The following RCBTB1 variants were observed in gnomAD, a reference collection of about 807,000 sequenced individuals.
RCBTB1 encodes the protein RCC1 and BTB domain-containing protein 1.
A neutral mutation model predicts 62.4 loss-of-function variants in RCBTB1; 46 were observed. The ratio of observed to expected loss-of-function variants is 0.74; its 90% confidence interval spans 0.58 to 0.94. RCBTB1 has a LOEUF of 0.94. Ranked by LOEUF, RCBTB1 falls within the 40% of genes least tolerant of loss-of-function variation. The probability of loss-of-function intolerance (pLI) is 0.00; values close to 1 mark genes in which losing one functional copy is unlikely to be tolerated. For missense variants in RCBTB1, 565 were observed against 654.9 expected, an observed-to-expected ratio of 0.86 and a Z score of 1.50; for synonymous variants, 222 against 245.8, an observed-to-expected ratio of 0.90 and a Z score of 0.91.
At chr13:49,566,552 C>T (rs1963023849) in intron 4 of RCBTB1, 66 bp downstream of exon 4, 2 of 1,487,662 alleles carry the variant, frequency 1.3e-6, no homozygotes, top group Admixed American at 1.9e-5. Context: ...GCCCTATCTC[C>T]CCTAAGCTTA....
chr13:49,565,972 G>A (rs9591280), intron 4 of RCBTB1, among the ~76,000 whole-genome samples: 3 of 148,340 alleles, frequency 2.0e-5, no homozygotes, highest in South Asian at 2.2e-4. Flanking sequence ...CCCCCAACCT[G>A]GTGCTCTCTG....
rs1243552176 is a variant in RCBTB1, at chr13:49,562,787, T to C, written c.278-2703A>G. ...GCCACCATCCCCGGCTTTTTTTTTT[T>C]TTTTTTTTTTTTTTTTTTTAAGAGA... On this transcript the variant is annotated intron_variant, in intron 4 of 12. Transcript: ENST00000378302. Among the ~76,000 whole-genome samples, 46 of 136,692 alleles carry C rather than the reference T, an allele frequency of 3.4e-4. 3 individuals are homozygous for C. The highest frequency in any genetic ancestry group is 1.2e-3 in the African/African-American group (43 of 36,234). 89.7% of individuals were successfully genotyped at this position (136,692 alleles called of 152,430 possible).
intron 8 of RCBTB1, 74 bp from the exon 9 acceptor site, chr13:49,549,722 A>G: frequency 4.0e-6 from 6 of 1,507,668 alleles, no homozygotes; most frequent in Non-Finnish European, 5.3e-6. Flanking sequence ...AAGGCAATTT[A>G]AAAGTTCATG....
intron 4 of RCBTB1, among the ~76,000 whole-genome samples, chr13:49,563,355 C>CAAA (rs57586924): frequency 0.072 from 3,739 of 51,716 alleles, 485 homozygotes; most frequent in African/African-American, 0.077. Context: ...GACCCTGCCT[C>CAAA]AAAAAAAAAA....
intron 3 of RCBTB1, 38 bp from the exon 4 acceptor site, chr13:49,566,806 C>A: frequency 6.4e-7 from 1 of 1,567,246 alleles, no homozygotes; most frequent in Non-Finnish European, 8.6e-7. Flanking sequence ...GTCTTTTGAC[C>A]GAAAGCTGTA....
At chr13:49,582,594 G>T (rs551082073) in intron 1 of RCBTB1, among the ~76,000 whole-genome samples, 2 of 152,204 alleles carry the variant, frequency 1.3e-5, no homozygotes, top group Non-Finnish European at 2.9e-5. Context: ...GTGAATGAAA[G>T]CCAGTTTAAA....
intron 1 of RCBTB1, among the ~76,000 whole-genome samples, chr13:49,583,433 A>G (rs1468975928): frequency 6.6e-6 from 1 of 152,044 alleles, no homozygotes; most frequent in Non-Finnish European, 1.5e-5. Context: ...GATCTAACAC[A>G]CAGTTGACTT....
chr13:49,540,833 G>A (rs1197900771), intron 12 of RCBTB1, 43 bp downstream of exon 12: 2 of 1,592,726 alleles, frequency 1.3e-6, no homozygotes, highest in Admixed American at 1.8e-5. Context: ...CGAGCACAAA[G>A]GGAGTTAAAG....
intron 4 of RCBTB1, among the ~76,000 whole-genome samples, chr13:49,565,268 C>T (rs1459441319): frequency 2.0e-5 from 3 of 152,212 alleles, no homozygotes; most frequent in East Asian, 1.9e-4. Context: ...CTGCCAGCCT[C>T]GGCCTCCCGA....
chr13:49,555,885 C>T (rs1394626034), intron 5 of RCBTB1, among the ~76,000 whole-genome samples: 2 of 152,194 alleles, frequency 1.3e-5, no homozygotes, highest in Non-Finnish European at 2.9e-5. Context: ...TTATACATCT[C>T]CGTTTTATAC....
intron 10 of RCBTB1, among the ~76,000 whole-genome samples, chr13:49,544,090 C>T (rs529083995): frequency 6.6e-5 from 10 of 152,300 alleles, no homozygotes; most frequent in South Asian, 6.2e-4. Flanking sequence ...GGCATATACA[C>T]TTTTCAATAA....
At chr13:49,558,818 G>A (rs1962175299) in intron 5 of RCBTB1, among the ~76,000 whole-genome samples, 1 of 151,806 alleles carries the variant, frequency 6.6e-6, no homozygotes, top group African/African-American at 2.4e-5. Flanking sequence ...CTTTTGAACT[G>A]TGTGGCAGTA....
At chr13:49,568,422 T>C (rs1405327454) in intron 2 of RCBTB1, among the ~76,000 whole-genome samples, 1 of 152,266 alleles carries the variant, frequency 6.6e-6, no homozygotes, top group Admixed American at 6.5e-5. Context: ...AAATGAAAAT[T>C]GCTAGGTCAA....
chr13:49,546,999 C>G (rs934502775), intron 9 of RCBTB1: 9 of 1,185,162 alleles, frequency 7.6e-6, no homozygotes, highest in Non-Finnish European at 9.6e-6. Flanking sequence ...AATGCCTGTG[C>G]CATTTTAAGA....
chr13:49,538,761 A>ACG (rs1474266330), intron 12 of RCBTB1, among the ~76,000 whole-genome samples: 1 of 151,480 alleles, frequency 6.6e-6, no homozygotes, highest in African/African-American at 2.4e-5. Context: ...ATATATATAC[A>ACG]CACACACACA....
intron 2 of RCBTB1, among the ~76,000 whole-genome samples, chr13:49,577,778 A>C (rs1478320418): frequency 6.6e-6 from 1 of 152,254 alleles, no homozygotes; most frequent in Non-Finnish European, 1.5e-5. Context: ...CAATCATTTT[A>C]AGTAGCCTAA....
chr13:49,543,509 G>C (rs1960552302), intron 10 of RCBTB1, among the ~76,000 whole-genome samples: 1 of 152,044 alleles, frequency 6.6e-6, no homozygotes. Context: ...GAATGACATA[G>C]GGCTTTTCTG....
intron 5 of RCBTB1, among the ~76,000 whole-genome samples, chr13:49,558,980 T>G (rs892176602): frequency 6.6e-6 from 1 of 152,242 alleles, no homozygotes; most frequent in South Asian, 2.1e-4. Flanking sequence ...TATGTATTAG[T>G]TTGCATTTAT....
chr13:49,553,924 C>T (rs565922510), intron 6 of RCBTB1, among the ~76,000 whole-genome samples: 1 of 152,292 alleles, frequency 6.6e-6, no homozygotes, highest in East Asian at 1.9e-4. Flanking sequence ...GATACACATA[C>T]ACAGAGTAAC....
Sources: allele counts gnomAD v4.1 joint callset (sites outside exome capture counted in the v4.1 genomes callset), GRCh38; gene constraint gnomAD v4.1.1; transcripts MANE v1.5; gene names NCBI Gene and HGNC (gene_info 2026-07-23, HGNC 2026-07-21).